Variants in LRP1B observed in about 807,000 individuals in gnomAD.
LRP1B encodes low-density lipoprotein receptor-related protein 1B.
A neutral mutation model predicts 556.6 loss-of-function variants in LRP1B; 217 were observed. That is an observed-to-expected ratio of 0.39 (90% CI 0.35 to 0.44). LRP1B has a LOEUF of 0.44. LRP1B is among the 20% of genes least tolerant of loss of function. The pLI is 1.00. For missense variants in LRP1B, 5,053 were observed against 5,620.8 expected (o/e 0.90, Z 3.23); for synonymous variants, 2,047 against 1,865.8 (o/e 1.10, Z -2.50).
At chr2:141,539,981 G>A (rs10188429) in intron 2 of LRP1B, among the ~76,000 whole-genome samples, 28,978 of 151,906 alleles carry the variant, frequency 0.19, 2,904 homozygotes, top group South Asian at 0.39. Flanking sequence ...GACAATGTAT[G>A]TTACTATAAT....
chr2:140,736,943 G>T (rs1003182429), intron 35 of LRP1B, among the ~76,000 whole-genome samples: 9 of 152,162 alleles, frequency 5.9e-5, no homozygotes, highest in Non-Finnish European at 1.2e-4. Context: ...AACGTCGAGG[G>T]AGGCTTGACC....
In LRP1B at chr2:141,508,082, T is replaced by TCCCC. The variant is rs373915742; in HGVS notation, c.206-27553_206-27550dup. ...GTCTGGATGAAAGAGGGAGACTCCA[T>TCCCC]CCCCCCCCCAAAAAAAAAGAAAGAA... On this transcript the variant is annotated intron_variant, in intron 2 of 90. Transcript: ENST00000389484. Among the ~76,000 whole-genome samples the TCCCC allele has an allele frequency of 2.7e-4, 11 of 41,170 alleles. No individual in the cohort carries two copies. The South Asian group carries it at 2.8e-3, about 11-fold the overall frequency. 27.0% of individuals were successfully genotyped at this position (41,170 alleles called of 152,430 possible).
intron 1 of LRP1B, among the ~76,000 whole-genome samples, chr2:142,084,786 G>A (rs961807475): frequency 6.6e-5 from 10 of 152,094 alleles, no homozygotes; most frequent in Non-Finnish European, 1.0e-4. Flanking sequence ...GCCAAAAGCT[G>A]TACTTTAAAA....
chr2:140,855,520 C>T (rs1206707292), intron 27 of LRP1B, among the ~76,000 whole-genome samples: 5 of 77,362 alleles, frequency 6.5e-5, no homozygotes, highest in Non-Finnish European at 1.2e-4. Flanking sequence ...AATGGCTTCC[C>T]ACAGTCTACC....
At chr2:141,203,315 C>T (rs1366515978) in intron 6 of LRP1B, among the ~76,000 whole-genome samples, 7 of 150,850 alleles carry the variant, frequency 4.6e-5, no homozygotes, top group South Asian at 2.1e-4. Flanking sequence ...CAAAGACACA[C>T]ATAGGCTCAA....
chr2:141,430,264 A>T (rs1325488533), intron 3 of LRP1B, among the ~76,000 whole-genome samples: 1 of 152,200 alleles, frequency 6.6e-6, no homozygotes, highest in Non-Finnish European at 1.5e-5. Flanking sequence ...CTTAATGAAT[A>T]ACCTCACTCT....
At chr2:140,572,593 G>A (rs1681364060) in intron 43 of LRP1B, among the ~76,000 whole-genome samples, 1 of 151,646 alleles carries the variant, frequency 6.6e-6, no homozygotes, top group East Asian at 1.9e-4. Context: ...AAAAAATAGA[G>A]TTACTATATG....
intron 41 of LRP1B, among the ~76,000 whole-genome samples, chr2:140,625,606 A>G (rs1303875192): frequency 1.3e-5 from 2 of 152,214 alleles, no homozygotes; most frequent in East Asian, 3.9e-4. Context: ...CAAGATATAC[A>G]GATAGTAAAT....
chr2:141,400,002 T>C (rs562164234), intron 3 of LRP1B, among the ~76,000 whole-genome samples: 38 of 152,304 alleles, frequency 2.5e-4, no homozygotes, highest in African/African-American at 9.1e-4. Context: ...TTTGATTTTT[T>C]TGAGACAGGG....
chr2:140,908,346 C>T (rs187203999), intron 21 of LRP1B, among the ~76,000 whole-genome samples: 4,591 of 122,818 alleles, frequency 0.037, 110 homozygotes, highest in Middle Eastern at 0.068. Flanking sequence ...TATATATATA[C>T]ATATATTTAT....
At chr2:141,184,100 A>C (rs900562472) in intron 7 of LRP1B, among the ~76,000 whole-genome samples, 6 of 152,050 alleles carry the variant, frequency 3.9e-5, no homozygotes, top group African/African-American at 1.4e-4. Context: ...CCAATACTAA[A>C]TAGTTTGATA....
intron 3 of LRP1B, among the ~76,000 whole-genome samples, chr2:141,276,279 G>C (rs976324917): frequency 1.9e-4 from 28 of 149,184 alleles, no homozygotes; most frequent in African/African-American, 6.9e-4. Context: ...TTATTCTTTG[G>C]CTTGATAATT....
chr2:141,152,843 C>T (rs1574130583), intron 7 of LRP1B, among the ~76,000 whole-genome samples: 1 of 151,376 alleles, frequency 6.6e-6, no homozygotes, highest in East Asian at 1.9e-4. Context: ...ATACTAATAC[C>T]AACACCTACA....
intron 1 of LRP1B, among the ~76,000 whole-genome samples, chr2:141,850,049 A>G (rs1697791360): frequency 6.6e-6 from 1 of 151,760 alleles, no homozygotes; most frequent in African/African-American, 2.4e-5. Flanking sequence ...CAGTAGATCA[A>G]GAATTTAGTT....
At chr2:141,816,303 C>T (rs2105720031) in intron 1 of LRP1B, among the ~76,000 whole-genome samples, 1 of 152,090 alleles carries the variant, frequency 6.6e-6, no homozygotes, top group Non-Finnish European at 1.5e-5. Flanking sequence ...AGAGGCAGAC[C>T]CACCCTCAGT....
intron 35 of LRP1B, among the ~76,000 whole-genome samples, chr2:140,748,467 G>T (rs1299025934): frequency 1.1e-5 from 1 of 88,852 alleles, no homozygotes; most frequent in Non-Finnish European, 2.2e-5. Flanking sequence ...CACACACATA[G>T]GACTTAAAAA....
chr2:142,046,312 C>T (rs1704257978), intron 1 of LRP1B, among the ~76,000 whole-genome samples: 1 of 152,042 alleles, frequency 6.6e-6, no homozygotes, highest in African/African-American at 2.4e-5. Flanking sequence ...GATGCTGGCT[C>T]ATTCCAGTTC....
chr2:142,085,112 T>C (rs985450729), intron 1 of LRP1B, among the ~76,000 whole-genome samples: 2 of 152,192 alleles, frequency 1.3e-5, no homozygotes, highest in East Asian at 3.9e-4. Flanking sequence ...ATTTACTTCA[T>C]TGAAGCTCCC....
chr2:141,079,503 G>A (rs1162011537), intron 7 of LRP1B, among the ~76,000 whole-genome samples: 1 of 152,216 alleles, frequency 6.6e-6, no homozygotes, highest in Non-Finnish European at 1.5e-5. Context: ...CTGAAAGTGA[G>A]CACAACAGAC....
Sources: gnomAD v4.1 joint callset for allele counts (sites outside exome capture counted in the v4.1 genomes callset) on GRCh38, gnomAD v4.1.1 for gene constraint, MANE v1.5 for transcripts, NCBI Gene and HGNC (gene_info 2026-07-23, HGNC 2026-07-21) for gene names.